Variants in UBE3D observed in about 807,000 individuals in gnomAD.
The protein encoded by UBE3D is E3 ubiquitin-protein ligase E3D.
A neutral mutation model predicts 49.6 loss-of-function variants in UBE3D; 48 were observed. That is an observed-to-expected ratio of 0.97 (90% CI 0.77 to 1.23). UBE3D has a LOEUF of 1.23. UBE3D is among the 50% of genes most tolerant of loss of function. UBE3D has a pLI of 0.00. For missense variants in UBE3D, 452 were observed against 468.4 expected (o/e 0.96, Z 0.32); for synonymous variants, 189 against 174.2 (o/e 1.08, Z -0.67).
intron 8 of UBE3D, chr6:83,017,117 T>G (rs1780750427): frequency 6.6e-6 from 1 of 152,178 alleles, no homozygotes; most frequent in Non-Finnish European, 1.5e-5. Flanking sequence ...CAAATTAGAA[T>G]GAAATAAAAA....
chr6:82,924,564 G>T (rs565724871), intron 9 of UBE3D, among the ~76,000 whole-genome samples: 4 of 152,088 alleles, frequency 2.6e-5, no homozygotes, highest in Admixed American at 6.6e-5. Context: ...TAGGTAATTT[G>T]TAAATTAATT....
intron 8 of UBE3D, among the ~76,000 whole-genome samples, chr6:83,015,026 C>T (rs918839043): frequency 1.3e-5 from 2 of 152,184 alleles, no homozygotes; most frequent in Admixed American, 6.5e-5. Context: ...CTGTCCATTA[C>T]GGTAGTATGC....
chr6:82,917,595 G>T (rs1419271354), intron 9 of UBE3D, among the ~76,000 whole-genome samples: 1 of 152,170 alleles, frequency 6.6e-6, no homozygotes, highest in South Asian at 2.1e-4. Flanking sequence ...ATTGTAATGA[G>T]CACGATTAGG....
At chr6:83,039,784 C>T (rs978974741) in intron 4 of UBE3D, among the ~76,000 whole-genome samples, 1 of 152,122 alleles carries the variant, frequency 6.6e-6, no homozygotes, top group Admixed American at 6.5e-5. Flanking sequence ...GCTGGGATTA[C>T]AGGCACCTGC....
At chr6:83,033,998 T>C (rs1353283160) in intron 5 of UBE3D, among the ~76,000 whole-genome samples, 1 of 152,226 alleles carries the variant, frequency 6.6e-6, no homozygotes, top group Non-Finnish European at 1.5e-5. Context: ...TGCTATTCTT[T>C]CCCAATATAG....
chr6:82,904,065 C>T (rs1771926579), intron 9 of UBE3D, among the ~76,000 whole-genome samples: 1 of 152,098 alleles, frequency 6.6e-6, no homozygotes, highest in African/African-American at 2.4e-5. Flanking sequence ...CTGGAAGTCT[C>T]AGGTGGCTAC....
chr6:83,062,198 T>C (rs928742136), intron 1 of UBE3D, among the ~76,000 whole-genome samples: 1 of 152,230 alleles, frequency 6.6e-6, no homozygotes, highest in Admixed American at 6.5e-5. Context: ...TCTCAGCACT[T>C]AGAATTTGAA....
At chr6:83,064,318 G>A (rs1372906636) in intron 1 of UBE3D, among the ~76,000 whole-genome samples, 1 of 152,072 alleles carries the variant, frequency 6.6e-6, no homozygotes, top group Non-Finnish European at 1.5e-5. Flanking sequence ...CCGCCTCCCG[G>A]GTTCACTCCA....
At chr6:82,998,805 T>C (rs1779418963) in intron 8 of UBE3D, among the ~76,000 whole-genome samples, 1 of 152,234 alleles carries the variant, frequency 6.6e-6, no homozygotes, top group Non-Finnish European at 1.5e-5. Flanking sequence ...TAATACTTAA[T>C]ACAAGAGTTA....
chr6:82,886,484 G>A, the UBE3D span, among the ~76,000 whole-genome samples: 1 of 152,172 alleles, frequency 6.6e-6, no homozygotes, highest in Non-Finnish European at 1.5e-5. Flanking sequence ...ATAGGACACA[G>A]GCTGGTACTG....
At chr6:82,918,290 C>CAA (rs1264772779) in intron 9 of UBE3D, among the ~76,000 whole-genome samples, 10 of 145,692 alleles carry the variant, frequency 6.9e-5, no homozygotes, top group African/African-American at 1.0e-4. Context: ...ACAACAACAA[C>CAA]AAAAAAAAAA....
chr6:82,925,865 A>G (rs1773710955), intron 9 of UBE3D, among the ~76,000 whole-genome samples: 1 of 152,142 alleles, frequency 6.6e-6, no homozygotes, highest in Non-Finnish European at 1.5e-5. Flanking sequence ...CCTTGGTTCT[A>G]TACTTTGTTC....
At chr6:83,013,718 C>T (rs1582638757) in intron 8 of UBE3D, among the ~76,000 whole-genome samples, 1 of 152,338 alleles carries the variant, frequency 6.6e-6, no homozygotes, top group Non-Finnish European at 1.5e-5. Context: ...CACCACTGGA[C>T]CCCTGGAAAT....
At chr6:83,027,800 A>G (rs979770062) in intron 5 of UBE3D, among the ~76,000 whole-genome samples, 3 of 152,186 alleles carry the variant, frequency 2.0e-5, no homozygotes, top group African/African-American at 7.2e-5. Context: ...TTGAATCTAT[A>G]GATTGCTATT....
chr6:82,918,705 T>A (rs1773105282), intron 9 of UBE3D, among the ~76,000 whole-genome samples: 1 of 151,920 alleles, frequency 6.6e-6, no homozygotes, highest in Non-Finnish European at 1.5e-5. Context: ...CCTTCTGGTC[T>A]TAAAACTTAC....
At chr6:82,940,578 G>A (rs1774933238) in intron 9 of UBE3D, among the ~76,000 whole-genome samples, 1 of 152,220 alleles carries the variant, frequency 6.6e-6, no homozygotes, top group Non-Finnish European at 1.5e-5. Context: ...CAAGTGCTGA[G>A]TGAAAATTCT....
At chr6:82,934,819 T>C (rs1221533213) in intron 9 of UBE3D, among the ~76,000 whole-genome samples, 2 of 147,778 alleles carry the variant, frequency 1.4e-5, no homozygotes, top group African/African-American at 2.5e-5. Flanking sequence ...TAGAACTCAA[T>C]AGTGGAGATA....
At chr6:82,989,749 CT>C (rs775267728) in intron 8 of UBE3D, among the ~76,000 whole-genome samples, 8 of 152,108 alleles carry the variant, frequency 5.3e-5, no homozygotes, top group Non-Finnish European at 7.4e-5. Context: ...GTTCTTTTTA[CT>C]TTTTAAAGCC....
downstream of UBE3D, among the ~76,000 whole-genome samples, chr6:82,889,541 G>A (rs1770943911): frequency 1.3e-5 from 2 of 151,908 alleles, no homozygotes; most frequent in Non-Finnish European, 2.9e-5. Flanking sequence ...TAACAATGCA[G>A]CTCTTGATGG....
Sources: allele counts gnomAD v4.1 joint callset (sites outside exome capture counted in the v4.1 genomes callset), GRCh38; gene constraint gnomAD v4.1.1; transcripts MANE v1.5; gene names NCBI Gene and HGNC (gene_info 2026-07-23, HGNC 2026-07-21).